EFNA5: variants seen among roughly 807,000 people sequenced by gnomAD.
EFNA5 encodes ephrin A5, also known as ephrin-A5.
A neutral mutation model predicts 22.9 loss-of-function variants in EFNA5; 5 were observed. The ratio of observed to expected loss-of-function variants is 0.22; its 90% CI spans 0.11 to 0.46. EFNA5 has a LOEUF of 0.46. Among genes scored for constraint, EFNA5 ranks in the 20% least tolerant of loss-of-function variants. The pLI is 0.99. For synonymous variants in EFNA5, 113 were observed against 112.2 expected (o/e 1.01, Z -0.04); for missense variants, 237 against 293.3 (o/e 0.81, Z 1.40).
intron 1 of EFNA5, among the ~76,000 whole-genome samples, chr5:107,594,289 G>GA (rs1265086594): frequency 6.6e-6 from 1 of 152,108 alleles, no homozygotes; most frequent in Non-Finnish European, 1.5e-5. Flanking sequence ...TAAAAATGTT[G>GA]TAACTGAATG....
At chr5:107,468,936 G>T (rs1037729087) in intron 1 of EFNA5, among the ~76,000 whole-genome samples, 1 of 152,176 alleles carries the variant, frequency 6.6e-6, no homozygotes, top group Non-Finnish European at 1.5e-5. Flanking sequence ...TAGGAGCACA[G>T]AATTTAATTA....
chr5:107,477,962 A>G (rs1750356468), intron 1 of EFNA5, among the ~76,000 whole-genome samples: 1 of 152,218 alleles, frequency 6.6e-6, no homozygotes. Context: ...ACTGATTGGT[A>G]GCAGTGGGAT....
intron 1 of EFNA5, among the ~76,000 whole-genome samples, chr5:107,591,899 AATATATAATATAAAAAATAT>A (rs1228444468): frequency 1.1e-3 from 13 of 12,340 alleles, no homozygotes; most frequent in Non-Finnish European, 1.6e-3. Flanking sequence ...TATTATATAT[AATATATAATATAAAAAATAT>A]ATATATAATA....
rs1561443248 is a variant in EFNA5 at position 107,592,015 on chromosome 5, A to ATATTATATATATTATATATT, written c.125+78473_125+78474insAATATATAATATATATAATA. The stretch of plus-strand genomic sequence containing the variant: ...AATATATATAATATATAATATATAT[A>ATATTATATATATTATATATT]ATATAATATATATTATATATTATAT... On this transcript the variant is annotated intron_variant, in intron 1 of 4. Coordinates refer to ENST00000333274, the MANE Select transcript of EFNA5 (RefSeq NM_001962.3). 5.3e-5 allele frequency among the ~76,000 whole-genome samples: 2 copies of ATATTATATATATTATATATT among 38,044 alleles called. 1 individual carries two copies. The highest frequency in any genetic ancestry group is 4.0e-4 in the African/African-American group (2 of 5,032). 25.0% of individuals were successfully genotyped at this position (38,044 alleles called of 152,430 possible). A position where few individuals can be genotyped will look rare whatever the true frequency, so the allele number is the denominator to read the frequency against.
At chr5:107,530,875 C>G (rs987120731) in intron 1 of EFNA5, among the ~76,000 whole-genome samples, 1 of 152,194 alleles carries the variant, frequency 6.6e-6, no homozygotes, top group Non-Finnish European at 1.5e-5. Context: ...GCAGCTGGTA[C>G]TGATGGGTGT....
Position 107,381,366 on chromosome 5 carries a change from TACGGTG to T in EFNA5, c.570_575del (p.Asp190_Val192delinsGlu), listed in dbSNP as rs746367727. Reference sequence around the variant, plus strand: ...CGCGGGATGGCTCGGCTGACTCATGTACGGTGTCATCTGTTCAAATAGAAAGCACAC... The same window carrying T: ...CGCGGGATGGCTCGGCTGACTCATGTTCATCTGTTCAAATAGAAAGCACAC... On this transcript the variant is annotated inframe_deletion, in exon 5 of 5. Transcript: ENST00000333274. The T allele has an allele frequency of 1.2e-6, 2 of 1,613,190 alleles. No homozygotes were observed. The highest frequency in any genetic ancestry group is 2.2e-5 in the South Asian group (2 of 91,052).
At chr5:107,397,504 C>T (rs954095589) in intron 2 of EFNA5, among the ~76,000 whole-genome samples, 7 of 151,310 alleles carry the variant, frequency 4.6e-5, no homozygotes, top group African/African-American at 9.7e-5. Context: ...GCAAAGATCA[C>T]GCCACTGCAC....
At chr5:107,515,268 G>A (rs1223863700) in intron 1 of EFNA5, among the ~76,000 whole-genome samples, 1 of 151,018 alleles carries the variant, frequency 6.6e-6, no homozygotes, top group Non-Finnish European at 1.5e-5. Context: ...AACTCCTGAC[G>A]TCAAGTGATC....
intron 2 of EFNA5, among the ~76,000 whole-genome samples, chr5:107,414,305 T>A (rs1171182077): frequency 6.6e-6 from 1 of 152,214 alleles, no homozygotes; most frequent in Non-Finnish European, 1.5e-5. Context: ...TTACTACATC[T>A]TTAACTGATC....
At chr5:107,569,559 T>TTTTATATATATATATA (rs1313796140) in intron 1 of EFNA5, among the ~76,000 whole-genome samples, 1 of 42,530 alleles carries the variant, frequency 2.4e-5, no homozygotes, top group African/African-American at 1.0e-4. Flanking sequence ...ATATATATAT[T>TTTTATATATATATATA]TATATATATA....
At chr5:107,650,674 T>C (rs1189108656) in intron 1 of EFNA5, among the ~76,000 whole-genome samples, 2 of 152,214 alleles carry the variant, frequency 1.3e-5, no homozygotes, top group African/African-American at 4.8e-5. Flanking sequence ...AGGTTGACTA[T>C]AGAGGAAAAT....
At chr5:107,437,055 T>C (rs1482615989) in intron 1 of EFNA5, among the ~76,000 whole-genome samples, 1 of 152,216 alleles carries the variant, frequency 6.6e-6, no homozygotes, top group Non-Finnish European at 1.5e-5. Context: ...GTATTATGGG[T>C]TGATGATAAC....
At chr5:107,419,112 T>C (rs547547459) in intron 2 of EFNA5, among the ~76,000 whole-genome samples, 2 of 152,360 alleles carry the variant, frequency 1.3e-5, no homozygotes, top group South Asian at 4.1e-4. Flanking sequence ...CAACAGCACC[T>C]GAGCTGATGC....
intron 1 of EFNA5, among the ~76,000 whole-genome samples, chr5:107,452,022 T>C (rs1580460288): frequency 6.6e-6 from 1 of 152,160 alleles, no homozygotes; most frequent in Admixed American, 6.5e-5. Context: ...GGTACGTATA[T>C]ACCAAGGAAT....
intron 1 of EFNA5, among the ~76,000 whole-genome samples, chr5:107,656,225 A>G (rs1750818431): frequency 6.6e-6 from 1 of 152,214 alleles, no homozygotes; most frequent in African/African-American, 2.4e-5. Flanking sequence ...AGACAAACTG[A>G]GAGGAGAAGG....
chr5:107,542,820 T>C (rs1748075173), intron 1 of EFNA5, among the ~76,000 whole-genome samples: 1 of 152,142 alleles, frequency 6.6e-6, no homozygotes, highest in Non-Finnish European at 1.5e-5. Flanking sequence ...AGTTCAATTG[T>C]TAGAAGTGTT....
intron 1 of EFNA5, among the ~76,000 whole-genome samples, chr5:107,608,607 G>A (rs1199455790): frequency 6.6e-6 from 1 of 152,320 alleles, no homozygotes; most frequent in East Asian, 1.9e-4. Flanking sequence ...GAGCTCCCAA[G>A]AGAGGTGCCC....
chr5:107,464,851 A>G (rs1749930356), intron 1 of EFNA5, among the ~76,000 whole-genome samples: 1 of 152,168 alleles, frequency 6.6e-6, no homozygotes, highest in African/African-American at 2.4e-5. Context: ...CCTCAAGTCC[A>G]CAACTACTGT....
At chr5:107,567,585 G>A (rs1748686543) in intron 1 of EFNA5, among the ~76,000 whole-genome samples, 1 of 152,218 alleles carries the variant, frequency 6.6e-6, no homozygotes, top group Non-Finnish European at 1.5e-5. Context: ...AGGTTGGGAT[G>A]TCCGAAACTA....
Sources: allele counts gnomAD v4.1 joint callset (sites outside exome capture counted in the v4.1 genomes callset), GRCh38; gene constraint gnomAD v4.1.1; transcripts MANE v1.5; gene names NCBI Gene and HGNC (gene_info 2026-07-23, HGNC 2026-07-21).